DPP6: variants seen among roughly 807,000 people sequenced by gnomAD.
DPP6 encodes dipeptidyl peptidase like 6.
In DPP6, 69 loss-of-function variants were observed where a neutral mutation model predicts 122.6. The ratio of observed to expected loss-of-function variants is 0.56; its 90% CI spans 0.46 to 0.69. The LOEUF (loss-of-function observed/expected upper bound fraction) is 0.69, where lower values mean the gene tolerates loss of function less well. DPP6 is among the 30% of genes least tolerant of loss of function. The probability of loss-of-function intolerance (pLI) is 0.00; values close to 1 mark genes in which losing one functional copy is unlikely to be tolerated. For synonymous variants in DPP6, 418 were observed against 433.1 expected (o/e 0.97, Z 0.43); for missense variants, 928 against 1,116.9 (o/e 0.83, Z 2.41).
chr7:154,701,154 C>A (rs910955806), intron 7 of DPP6, among the ~76,000 whole-genome samples: 1 of 152,114 alleles, frequency 6.6e-6, no homozygotes, highest in Non-Finnish European at 1.5e-5. Flanking sequence ...AAGGTCAGGC[C>A]GCAAGAATTA....
At chr7:153,931,678 CA>C (rs1321542526) in intron 1 of DPP6, among the ~76,000 whole-genome samples, 1 of 152,232 alleles carries the variant, frequency 6.6e-6, no homozygotes, top group Non-Finnish European at 1.5e-5. Context: ...CCTGAGTACA[CA>C]AATTCCTTTT....
chr7:153,760,670 C>A, the DPP6 span, among the ~76,000 whole-genome samples: 1 of 151,912 alleles, frequency 6.6e-6, no homozygotes, highest in Non-Finnish European at 1.5e-5. Context: ...GGCTAATTAT[C>A]CCCACTACAA....
intron 7 of DPP6, among the ~76,000 whole-genome samples, chr7:154,726,400 C>T (rs1842067428): frequency 6.6e-6 from 1 of 152,250 alleles, no homozygotes; most frequent in Non-Finnish European, 1.5e-5. Flanking sequence ...ACTCTGCACA[C>T]CCACAGGCTT....
intron 1 of DPP6, chr7:154,059,708 C>A (rs1801394511): frequency 6.6e-6 from 1 of 150,940 alleles, no homozygotes; most frequent in Non-Finnish European, 1.5e-5. Flanking sequence ...AGCCCCAGCC[C>A]TGGGGCTACC....
the DPP6 span, among the ~76,000 whole-genome samples, chr7:153,871,970 C>T: frequency 8.5e-5 from 13 of 152,288 alleles, no homozygotes; most frequent in South Asian, 6.2e-4. Flanking sequence ...ACAAAATCAT[C>T]GTCACAATTT....
chr7:154,504,835 T>C (rs895219008), intron 3 of DPP6, among the ~76,000 whole-genome samples: 5 of 151,660 alleles, frequency 3.3e-5, no homozygotes, highest in African/African-American at 1.2e-4. Flanking sequence ...TAAAATTACA[T>C]GTTTTTGAAA....
chr7:153,830,455 A>T, the DPP6 span, among the ~76,000 whole-genome samples: 3 of 152,242 alleles, frequency 2.0e-5, no homozygotes, highest in Admixed American at 6.5e-5. Context: ...CAGGTCTTTG[A>T]TTAATGGTCT....
At chr7:154,608,319 T>TTATATATATATATATATATA (rs1563922092) in intron 5 of DPP6, among the ~76,000 whole-genome samples, 3 of 81,298 alleles carry the variant, frequency 3.7e-5, no homozygotes, top group Admixed American at 2.9e-4. Context: ...TTAGGAGTGA[T>TTATATATATATATATATATA]CATATATATA....
At chr7:153,831,178 A>G in the DPP6 span, among the ~76,000 whole-genome samples, 2 of 152,252 alleles carry the variant, frequency 1.3e-5, no homozygotes, top group African/African-American at 4.8e-5. Context: ...ATAGATGTCT[A>G]CAGAGGACCA....
chr7:154,207,566 T>C (rs1426283713), intron 1 of DPP6, among the ~76,000 whole-genome samples: 1 of 152,208 alleles, frequency 6.6e-6, no homozygotes, highest in African/African-American at 2.4e-5. Context: ...GCATAGTTGC[T>C]TAGGGCCTGA....
chr7:154,300,159 G>A (rs1397740464), intron 1 of DPP6, among the ~76,000 whole-genome samples: 2 of 152,218 alleles, frequency 1.3e-5, no homozygotes, highest in Non-Finnish European at 2.9e-5. Context: ...CAAGACAAGC[G>A]GCTGCTGGAG....
chr7:153,894,127 C>T (rs1403493799), intron 1 of DPP6, among the ~76,000 whole-genome samples: 1 of 152,162 alleles, frequency 6.6e-6, no homozygotes, highest in African/African-American at 2.4e-5. Context: ...ACAGACTAAA[C>T]TTCTTGGGGA....
chr7:154,369,839 T>C (rs1216209082), intron 1 of DPP6, among the ~76,000 whole-genome samples: 1 of 152,166 alleles, frequency 6.6e-6, no homozygotes, highest in Admixed American at 6.5e-5. Flanking sequence ...CTAGCTAAAT[T>C]TTACAAACCA....
chr7:154,187,166 C>T (rs1221990402), intron 1 of DPP6, among the ~76,000 whole-genome samples: 1 of 152,126 alleles, frequency 6.6e-6, no homozygotes, highest in African/African-American at 2.4e-5. Flanking sequence ...TTTGGGTACT[C>T]GTATGAAATG....
rs1243800902 is a variant in DPP6 at position 154,833,995 on chromosome 7, A to G, written c.1667-19785A>G. Among the ~76,000 whole-genome samples, 1 of 152,130 alleles carries G rather than the reference A, an allele frequency of 6.6e-6. No homozygotes were observed. The highest frequency in any genetic ancestry group is 1.5e-5 in the Non-Finnish European group (1 of 68,036). On this transcript the variant is annotated intron_variant, in intron 16 of 25. Transcript: ENST00000377770. The surrounding 1 kb of genome is among the most constrained non-coding windows in gnomAD (Gnocchi z 4.3). ...AAGGACGCCTGTCCTCTGAGTACTC[A>G]CTGCCCAGTGAGGTCATCAGCACCG... is the stretch of plus-strand genomic sequence containing the variant.
intron 1 of DPP6, among the ~76,000 whole-genome samples, chr7:154,147,482 C>A (rs1238561580): frequency 1.5e-5 from 2 of 131,036 alleles, no homozygotes; most frequent in East Asian, 3.9e-4. Context: ...TCCTTCCTTC[C>A]TTCCTTCCTT....
intron 1 of DPP6, among the ~76,000 whole-genome samples, chr7:154,332,431 G>T (rs1274734134): frequency 6.6e-6 from 1 of 152,226 alleles, no homozygotes; most frequent in Non-Finnish European, 1.5e-5. Flanking sequence ...AAGTACAGAT[G>T]CTGCTTCAGC....
intron 1 of DPP6, among the ~76,000 whole-genome samples, chr7:154,022,342 A>G (rs1211168939): frequency 6.6e-5 from 10 of 152,264 alleles, no homozygotes; most frequent in Non-Finnish European, 1.0e-4. Context: ...AGCAACAGAT[A>G]GATGGTTTAT....
intron 12 of DPP6, among the ~76,000 whole-genome samples, chr7:154,800,573 G>A (rs1282133509): frequency 2.6e-5 from 4 of 152,216 alleles, no homozygotes; most frequent in African/African-American, 9.6e-5. Flanking sequence ...ACTGTCCGGG[G>A]ACCAGGCAGA....
Sources: gnomAD v4.1 joint callset for allele counts (sites outside exome capture counted in the v4.1 genomes callset) on GRCh38, gnomAD v4.1.1 for gene constraint, Gnocchi (gnomAD v3.1) non-coding constraint, MANE v1.5 for transcripts, NCBI Gene and HGNC (gene_info 2026-07-23, HGNC 2026-07-21) for gene names.